Variants in CCDC62 observed in about 807,000 individuals in gnomAD.
The protein encoded by CCDC62 is coiled-coil domain-containing protein 62.
In CCDC62, 72 loss-of-function variants were observed where a neutral mutation model predicts 80.8. The observed-to-expected ratio is 0.89, with a 90% CI of 0.74 to 1.08. CCDC62 has a LOEUF of 1.08. CCDC62 is among the 50% of genes least tolerant of loss of function. The probability of loss-of-function intolerance (pLI) is 0.00; values close to 1 mark genes in which losing one functional copy is unlikely to be tolerated. For missense variants in CCDC62, 704 were observed against 809.4 expected, an observed-to-expected ratio of 0.87 and a Z score of 1.58; for synonymous variants, 286 against 296.5, an observed-to-expected ratio of 0.96 and a Z score of 0.36.
chr12:122,779,127 T>G (rs1404197787), intron 2 of CCDC62, among the ~76,000 whole-genome samples: 1 of 152,252 alleles, frequency 6.6e-6, no homozygotes, highest in African/African-American at 2.4e-5. Context: ...TGAGCAAGAT[T>G]TGAATAGGCA....
rs558136152 is a variant in CCDC62, at chr12:122,818,661, A to G, written c.2002-4705A>G. On this transcript the variant is annotated intron_variant, in intron 11 of 12. Coordinates refer to ENST00000253079, the MANE Select transcript of CCDC62 (RefSeq NM_201435.5). ...AAATTAGCTGGGTGCAGTGACTCAC[A>G]CCTGTAATCCTAGCTCTTTGGGAGG... 2.0e-4 allele frequency among the ~76,000 whole-genome samples: 30 copies of G among 150,498 alleles called. 1 individual carries two copies. In the South Asian group the frequency reaches 4.4e-3, roughly 22 times the overall value.
At chr12:122,803,447 G>A (rs2031418522) in intron 9 of CCDC62, among the ~76,000 whole-genome samples, 1 of 152,068 alleles carries the variant, frequency 6.6e-6, no homozygotes, top group East Asian at 1.9e-4. Flanking sequence ...TCATAATAAT[G>A]TCTGCTATTT....
chr12:122,806,387 A>C, intron 10 of CCDC62, 92 bp downstream of exon 10: 1 of 863,346 alleles, frequency 1.2e-6, no homozygotes, highest in South Asian at 3.5e-5. Context: ...TAGCTTGCTT[A>C]TTTTGGCTAT....
At chr12:122,783,445 T>C (rs936681145) in intron 3 of CCDC62, among the ~76,000 whole-genome samples, 24 of 151,858 alleles carry the variant, frequency 1.6e-4, no homozygotes, top group East Asian at 1.2e-3. Context: ...CCAGGATGGT[T>C]TCGATCTCCT....
At chr12:122,787,332 T>C (rs2030317259) in intron 4 of CCDC62, among the ~76,000 whole-genome samples, 1 of 151,826 alleles carries the variant, frequency 6.6e-6, no homozygotes, top group African/African-American at 2.4e-5. Context: ...ACGCCTGTAA[T>C]GCCAGCTACT....
At chr12:122,796,382 A>G (rs911270369) in intron 6 of CCDC62, among the ~76,000 whole-genome samples, 3 of 152,084 alleles carry the variant, frequency 2.0e-5, no homozygotes, top group Non-Finnish European at 4.4e-5. Flanking sequence ...GGGCTCAAGC[A>G]ATCTTCCCAC....
rs559279009 is a variant in CCDC62 at position 122,801,861 on chromosome 12, C to T, written c.1706+9C>T. The T allele has an allele frequency of 3.5e-5, 56 of 1,610,776 alleles. No homozygotes were observed. In the South Asian group the frequency reaches 3.6e-4, roughly 10 times the overall value. ...CATGACTCCCCGGCAAGGTGAGTAA[C>T]GTTCACATCTGTAAACACCCACGGA... On this transcript the variant is annotated intron_variant, in intron 9 of 12. Transcript: ENST00000253079.
chr12:122,793,254 C>G (rs1239127984), intron 6 of CCDC62, among the ~76,000 whole-genome samples: 3 of 152,048 alleles, frequency 2.0e-5, no homozygotes, highest in Non-Finnish European at 4.4e-5. Flanking sequence ...ATGTGTACCC[C>G]TAGTAAAAGG....
intron 9 of CCDC62, among the ~76,000 whole-genome samples, chr12:122,805,366 A>G (rs1259951502): frequency 8.3e-6 from 1 of 121,176 alleles, no homozygotes; most frequent in Non-Finnish European, 1.7e-5. Flanking sequence ...TTTTTTTGAG[A>G]CAGAGTGTCT....
intron 9 of CCDC62, among the ~76,000 whole-genome samples, chr12:122,803,581 CTTAA>C (rs373454614): frequency 1.7e-3 from 266 of 152,240 alleles, no homozygotes; most frequent in African/African-American, 6.1e-3. Flanking sequence ...ATTTCTAGTG[CTTAA>C]TTATTTGGAG....
chr12:122,809,371 T>C (rs1262816445), intron 10 of CCDC62, among the ~76,000 whole-genome samples: 1 of 151,862 alleles, frequency 6.6e-6, no homozygotes, highest in South Asian at 2.1e-4. Flanking sequence ...GTGCCTGTGG[T>C]CCCAGCCACT....
chr12:122,793,286 T>C (rs1273786580), intron 6 of CCDC62, among the ~76,000 whole-genome samples: 1 of 152,144 alleles, frequency 6.6e-6, no homozygotes, highest in Non-Finnish European at 1.5e-5. Context: ...TAGGTATCAG[T>C]AGACCAAAAA....
At chr12:122,774,736 G>A (rs1377851957) in intron 1 of CCDC62, 30 bp downstream of exon 1, 1 of 1,244,154 alleles carries the variant, frequency 8.0e-7, no homozygotes, top group Non-Finnish European at 1.0e-6. Context: ...GCGGCGGGGC[G>A]CCGCGGGAAC....
At chr12:122,795,622 C>T (rs1333250472) in intron 6 of CCDC62, among the ~76,000 whole-genome samples, 1 of 152,048 alleles carries the variant, frequency 6.6e-6, no homozygotes, top group Non-Finnish European at 1.5e-5. Flanking sequence ...GATGGGGTTT[C>T]ACCGTGTTAG....
chr12:122,802,096 G>A (rs1272727758), intron 9 of CCDC62, among the ~76,000 whole-genome samples: 3 of 152,038 alleles, frequency 2.0e-5, no homozygotes, highest in Admixed American at 2.0e-4. Context: ...CTGAGGCAAA[G>A]GTTTTGTTTA....
chr12:122,780,574 A>G (rs1879788939), intron 2 of CCDC62, among the ~76,000 whole-genome samples: 1 of 151,704 alleles, frequency 6.6e-6, no homozygotes, highest in South Asian at 2.1e-4. Context: ...AGATCGCACC[A>G]CTGCACTCCA....
intron 3 of CCDC62, among the ~76,000 whole-genome samples, chr12:122,781,631 G>C (rs1566068407): frequency 6.6e-6 from 1 of 151,764 alleles, no homozygotes; most frequent in African/African-American, 2.4e-5. Flanking sequence ...GTTGCGGTGA[G>C]CCAAGATCGC....
intron 4 of CCDC62, among the ~76,000 whole-genome samples, chr12:122,786,814 C>G (rs1258411569): frequency 1.3e-5 from 2 of 151,670 alleles, no homozygotes; most frequent in Non-Finnish European, 2.9e-5. Flanking sequence ...CAAAAAATTC[C>G]CCGGGCGAGG....
At chr12:122,795,653 T>C (rs979296446) in intron 6 of CCDC62, among the ~76,000 whole-genome samples, 3 of 152,096 alleles carry the variant, frequency 2.0e-5, no homozygotes, top group Non-Finnish European at 2.9e-5. Context: ...CTTGATTTCC[T>C]GACCTCATGA....
Sources: gnomAD v4.1 joint callset for allele counts (sites outside exome capture counted in the v4.1 genomes callset) on GRCh38, gnomAD v4.1.1 for gene constraint, MANE v1.5 for transcripts, NCBI Gene and HGNC (gene_info 2026-07-23, HGNC 2026-07-21) for gene names.